The following SOX6 variants were observed in gnomAD, a reference collection of about 807,000 sequenced individuals.
SOX6 encodes SRY-box transcription factor 6.
A neutral mutation model predicts 97.8 loss-of-function variants in SOX6; 11 were observed. The ratio of observed to expected loss-of-function variants is 0.11; its 90% CI spans 0.07 to 0.19. SOX6 has a LOEUF of 0.19. Among genes scored for constraint, SOX6 ranks in the 10% least tolerant of loss-of-function variants. The pLI, the probability that SOX6 is intolerant of heterozygous loss-of-function variation, is 1.00. For missense variants in SOX6, 810 were observed against 1,039.5 expected (o/e 0.78, Z 3.04); for synonymous variants, 360 against 371.4 (o/e 0.97, Z 0.35).
chr11:16,418,156 C>T (rs1858960719), intron 1 of SOX6, among the ~76,000 whole-genome samples: 1 of 152,086 alleles, frequency 6.6e-6, no homozygotes, highest in Non-Finnish European at 1.5e-5. Context: ...CCTGATAAAA[C>T]TACTGAAATT....
intron 6 of SOX6, among the ~76,000 whole-genome samples, chr11:16,131,626 A>G (rs1351314374): frequency 6.7e-6 from 1 of 150,244 alleles, no homozygotes; most frequent in East Asian, 2.2e-4. Context: ...ATGTCTGCAT[A>G]GACTTGCAAT....
chr11:16,186,700 C>A, intron 5 of SOX6, 83 bp downstream of exon 5: 1 of 1,437,900 alleles, frequency 7.0e-7, no homozygotes. Flanking sequence ...AAGCTTACAA[C>A]AAATAAGCCA....
intron 6 of SOX6, among the ~76,000 whole-genome samples, chr11:16,181,423 A>G (rs1382807105): frequency 6.6e-6 from 1 of 151,392 alleles, no homozygotes; most frequent in African/African-American, 2.4e-5. Context: ...TTGATAGAAA[A>G]AAAATGTTTG....
At chr11:16,162,507 G>A (rs1850776042) in intron 6 of SOX6, among the ~76,000 whole-genome samples, 1 of 152,122 alleles carries the variant, frequency 6.6e-6, no homozygotes, top group Non-Finnish European at 1.5e-5. Context: ...GAGTTCTCAT[G>A]AAATCTGGTC....
At chr11:16,223,841 T>A (rs1176857338) in intron 4 of SOX6, among the ~76,000 whole-genome samples, 1 of 152,164 alleles carries the variant, frequency 6.6e-6, no homozygotes, top group African/African-American at 2.4e-5. Flanking sequence ...GTTTTTCTTC[T>A]CCATGTTAGC....
chr11:16,309,033 C>T (rs995266897), intron 3 of SOX6, among the ~76,000 whole-genome samples: 2 of 152,198 alleles, frequency 1.3e-5, no homozygotes, highest in Non-Finnish European at 2.9e-5. Context: ...TTCAGGAATT[C>T]TAACACAGGC....
chr11:16,612,053 G>A (rs1473960909), intron 4 of SOX6: 2 of 152,642 alleles, frequency 1.3e-5, no homozygotes, highest in African/African-American at 4.8e-5. Context: ...GAATCTGCAT[G>A]CTGATAAGAG....
intron 1 of SOX6, among the ~76,000 whole-genome samples, chr11:16,429,494 A>G (rs1006410307): frequency 3.9e-5 from 6 of 152,218 alleles, no homozygotes; most frequent in African/African-American, 1.4e-4. Context: ...CTATGCAGAC[A>G]TTTAAAAAAG....
At chr11:16,513,757 CA>C (rs1250498375) in intron 4 of SOX6, among the ~76,000 whole-genome samples, 2 of 152,152 alleles carry the variant, frequency 1.3e-5, no homozygotes, top group Admixed American at 1.3e-4. Context: ...AACTGTGATT[CA>C]AACAAGAACA....
intron 1 of SOX6, among the ~76,000 whole-genome samples, chr11:16,454,820 T>G (rs1476765174): frequency 6.6e-6 from 1 of 152,098 alleles, no homozygotes; most frequent in African/African-American, 2.4e-5. Context: ...CACCTACAAA[T>G]TATTTTAATT....
chr11:16,192,281 AC>A (rs907358614), intron 4 of SOX6, among the ~76,000 whole-genome samples: 1 of 152,174 alleles, frequency 6.6e-6, no homozygotes, highest in African/African-American at 2.4e-5. Context: ...GATTTTATTA[AC>A]CTTTGGCTCT....
intron 3 of SOX6, among the ~76,000 whole-genome samples, chr11:16,669,166 GA>G (rs902099841): frequency 1.4e-4 from 21 of 151,572 alleles, no homozygotes; most frequent in African/African-American, 4.6e-4. Context: ...TTTAAAAATT[GA>G]AAAAAAATTG....
intron 3 of SOX6, among the ~76,000 whole-genome samples, chr11:16,248,923 C>A (rs180884723): frequency 6.6e-6 from 1 of 152,098 alleles, no homozygotes; most frequent in South Asian, 2.1e-4. Flanking sequence ...CGGTGAAACC[C>A]CATCTCTACT....
chr11:16,625,095 T>C (rs1202765987), intron 3 of SOX6, among the ~76,000 whole-genome samples: 2 of 152,164 alleles, frequency 1.3e-5, no homozygotes, highest in African/African-American at 4.8e-5. Context: ...CTCTTAACAA[T>C]GTATTTTGAT....
intron 3 of SOX6, among the ~76,000 whole-genome samples, chr11:16,692,884 T>C (rs769551820): frequency 2.4e-4 from 36 of 152,204 alleles, no homozygotes; most frequent in Non-Finnish European, 2.2e-4. Flanking sequence ...CATCATATCA[T>C]AAGCCACAAT....
At chr11:16,328,130 G>T (rs2134319093) in intron 2 of SOX6, among the ~76,000 whole-genome samples, 1 of 152,150 alleles carries the variant, frequency 6.6e-6, no homozygotes, top group East Asian at 1.9e-4. Context: ...CCTGGTTTCG[G>T]ACGACACTCA....
At chr11:16,692,452 A>C (rs549335917) in intron 3 of SOX6, among the ~76,000 whole-genome samples, 1 of 151,782 alleles carries the variant, frequency 6.6e-6, no homozygotes, top group Non-Finnish European at 1.5e-5. Flanking sequence ...GCCTGCCCCA[A>C]CCTCCTAAGA....
intron 6 of SOX6, 122 bp downstream of exon 6, chr11:16,183,764 C>T (rs980336754): frequency 1.2e-6 from 1 of 816,626 alleles, no homozygotes; most frequent in Non-Finnish European, 2.1e-6. Flanking sequence ...GCACAACATC[C>T]TTGAAAACAG....
At chr11:16,601,630 C>T (rs971296122) in intron 4 of SOX6, among the ~76,000 whole-genome samples, 1 of 151,986 alleles carries the variant, frequency 6.6e-6, no homozygotes, top group Admixed American at 6.6e-5. Flanking sequence ...GTGTTAAAGC[C>T]AATGTATATT....
Sources: allele counts gnomAD v4.1 joint callset (sites outside exome capture counted in the v4.1 genomes callset), GRCh38; gene constraint gnomAD v4.1.1; transcripts MANE v1.5; gene names NCBI Gene and HGNC (gene_info 2026-07-23, HGNC 2026-07-21).